Variants in MAD1L1 observed in about 807,000 individuals in gnomAD.
MAD1L1 encodes the protein mitotic arrest deficient 1 like 1, also known as mitotic spindle assembly checkpoint protein MAD1.
A neutral mutation model predicts 96.9 loss-of-function variants in MAD1L1; 95 were observed. The observed-to-expected ratio is 0.98, with a 90% CI of 0.83 to 1.16. MAD1L1 has a LOEUF of 1.16. MAD1L1 is among the 50% of genes most tolerant of loss of function. MAD1L1 has a pLI of 0.00. For missense variants in MAD1L1, 1,007 were observed against 954.4 expected (o/e 1.06, Z -0.73); for synonymous variants, 473 against 396.6 (o/e 1.19, Z -2.29).
At chr7:1,942,978 G>A (rs904463553) in intron 16 of MAD1L1, among the ~76,000 whole-genome samples, 19 of 152,198 alleles carry the variant, frequency 1.2e-4, no homozygotes, top group Non-Finnish European at 1.3e-4. Context: ...CCAACCACAC[G>A]TTCATGTTAA....
At chr7:2,067,331 G>A (rs1784923640) in intron 12 of MAD1L1, among the ~76,000 whole-genome samples, 1 of 152,036 alleles carries the variant, frequency 6.6e-6, no homozygotes, top group African/African-American at 2.4e-5. Flanking sequence ...TTAGCAGAAA[G>A]GAGAACTGAG....
intron 18 of MAD1L1, among the ~76,000 whole-genome samples, chr7:1,863,297 G>A (rs1269343507): frequency 6.6e-6 from 1 of 152,268 alleles, no homozygotes; most frequent in Non-Finnish European, 1.5e-5. Flanking sequence ...CTGGGGCCAG[G>A]ATCTAGTTAG....
At chr7:2,178,754 G>A (rs533304010) in intron 10 of MAD1L1, among the ~76,000 whole-genome samples, 3 of 151,956 alleles carry the variant, frequency 2.0e-5, no homozygotes, top group Non-Finnish European at 2.9e-5. Flanking sequence ...AAAATTAGCC[G>A]GGTGTGGTGG....
At chr7:1,963,098 T>C (rs11773627) in intron 15 of MAD1L1, among the ~76,000 whole-genome samples, 26,641 of 152,234 alleles carry the variant, frequency 0.17, 2,891 homozygotes, top group South Asian at 0.31. Flanking sequence ...CACTAGGCGT[T>C]TACCTGAAAG....
intron 16 of MAD1L1, among the ~76,000 whole-genome samples, chr7:1,941,211 G>A (rs1011123172): frequency 3.9e-5 from 6 of 152,310 alleles, no homozygotes; most frequent in East Asian, 3.9e-4. Flanking sequence ...GCCTGAGGAC[G>A]TCAAGTTCCC....
intron 11 of MAD1L1, among the ~76,000 whole-genome samples, chr7:2,132,962 T>C (rs1323853070): frequency 6.6e-6 from 1 of 152,216 alleles, no homozygotes; most frequent in East Asian, 1.9e-4. Context: ...CCAGGAGAGA[T>C]GATTGTTACA....
chr7:1,912,137 G>T (rs1788055223), intron 17 of MAD1L1, among the ~76,000 whole-genome samples: 1 of 152,232 alleles, frequency 6.6e-6, no homozygotes, highest in Admixed American at 6.5e-5. Flanking sequence ...AAACTGGGGT[G>T]GCAGGGGTCC....
chr7:2,132,403 G>A lies in MAD1L1; in HGVS notation c.1073+16749C>T, dbSNP rs565462156. Among the ~76,000 whole-genome samples the A allele has an allele frequency of 8.0e-5, 12 of 149,510 alleles. No homozygotes were observed. The South Asian group carries it at 2.6e-3, about 32-fold the overall frequency. The stretch of plus-strand genomic sequence containing the variant: ...ACCGCGCGTCCACCATCACGGCCGC[G>A]TGCAGTCGGTTCACTGCTGCGTGCG... On this transcript the variant is annotated intron_variant, in intron 11 of 18. Coordinates refer to ENST00000265854, the MANE Select transcript of MAD1L1 (RefSeq NM_001013836.2).
chr7:2,115,666 C>T (rs1787649597), intron 11 of MAD1L1, among the ~76,000 whole-genome samples: 1 of 152,256 alleles, frequency 6.6e-6, no homozygotes, highest in African/African-American at 2.4e-5. Flanking sequence ...AATGCCGGGC[C>T]TGTGGACACT....
intron 13 of MAD1L1, among the ~76,000 whole-genome samples, chr7:2,013,033 C>T (rs2128497575): frequency 6.6e-6 from 1 of 152,372 alleles, no homozygotes; most frequent in African/African-American, 2.4e-5. Flanking sequence ...AAATTCAGCT[C>T]CTCCTAACAT....
chr7:2,212,354 A>C (rs1460758538), intron 10 of MAD1L1, among the ~76,000 whole-genome samples: 2 of 152,198 alleles, frequency 1.3e-5, no homozygotes, highest in Non-Finnish European at 2.9e-5. Flanking sequence ...AGCACCAGAC[A>C]ATCGTCTTCC....
intron 18 of MAD1L1, among the ~76,000 whole-genome samples, chr7:1,861,164 G>A (rs1562466823): frequency 2.6e-5 from 4 of 152,290 alleles, no homozygotes. Context: ...ACGGGCAGGA[G>A]GCTGGTGACC....
At chr7:2,029,469 A>C (rs1243032978) in intron 12 of MAD1L1, among the ~76,000 whole-genome samples, 1 of 152,184 alleles carries the variant, frequency 6.6e-6, no homozygotes, top group African/African-American at 2.4e-5. Flanking sequence ...CGTGGAGCTG[A>C]GACATGGATG....
intron 13 of MAD1L1, among the ~76,000 whole-genome samples, chr7:2,011,185 C>T: frequency 6.6e-6 from 1 of 151,930 alleles, no homozygotes; most frequent in Non-Finnish European, 1.5e-5. Flanking sequence ...CAGAAACCAA[C>T]AGCCAGAGAC....
chr7:2,063,823 CACCTGTG>C (rs1226655569), intron 12 of MAD1L1, among the ~76,000 whole-genome samples: 1 of 152,326 alleles, frequency 6.6e-6, no homozygotes, highest in East Asian at 1.9e-4. Context: ...TGACCCTGAG[CACCTGTG>C]GCCTCAGCTC....
At chr7:1,890,935 T>A (rs1453995708) in intron 18 of MAD1L1, among the ~76,000 whole-genome samples, 1 of 152,164 alleles carries the variant, frequency 6.6e-6, no homozygotes, top group Non-Finnish European at 1.5e-5. Context: ...ACAGTGAGAA[T>A]GCGGGACCCC....
chr7:2,203,293 T>C (rs1258766090), intron 10 of MAD1L1, among the ~76,000 whole-genome samples: 1 of 152,198 alleles, frequency 6.6e-6, no homozygotes, highest in African/African-American at 2.4e-5. Flanking sequence ...TAAATGACAG[T>C]TTTGAAAAGC....
intron 18 of MAD1L1, chr7:1,847,050 C>T (rs1193335241): frequency 5.8e-6 from 2 of 343,314 alleles, no homozygotes; most frequent in Non-Finnish European, 1.1e-5. Flanking sequence ...CTGATTTGCT[C>T]CTTGGCCCCA....
chr7:2,066,146 C>G (rs1461688771), intron 12 of MAD1L1, among the ~76,000 whole-genome samples: 1 of 152,218 alleles, frequency 6.6e-6, no homozygotes, highest in South Asian at 2.1e-4. Context: ...GCACCGTGTA[C>G]TAAAATGTCA....
Sources: gnomAD v4.1 joint callset for allele counts (sites outside exome capture counted in the v4.1 genomes callset) on GRCh38, gnomAD v4.1.1 for gene constraint, MANE v1.5 for transcripts, NCBI Gene and HGNC (gene_info 2026-07-23, HGNC 2026-07-21) for gene names.